LRRIQ1: variants seen among roughly 807,000 people sequenced by gnomAD.
LRRIQ1 encodes leucine rich repeats and IQ motif containing 1, also known as leucine-rich repeat- and IQ domain-containing protein 1.
A neutral mutation model predicts 211.9 loss-of-function variants in LRRIQ1; 210 were observed. The ratio of observed to expected loss-of-function variants is 0.99; its 90% confidence interval spans 0.89 to 1.11. LRRIQ1 has a LOEUF of 1.11. Among genes scored for constraint, LRRIQ1 ranks in the 50% most tolerant of loss-of-function variants. The probability of loss-of-function intolerance (pLI) is 0.00; values close to 1 mark genes in which losing one functional copy is unlikely to be tolerated. For missense variants in LRRIQ1, 2,136 were observed against 1,939.5 expected (o/e 1.10, Z -1.90); for synonymous variants, 699 against 650.1 (o/e 1.08, Z -1.14).
intron 19 of LRRIQ1, among the ~76,000 whole-genome samples, chr12:85,141,764 A>C (rs2136585609): frequency 6.6e-6 from 1 of 151,142 alleles, no homozygotes; most frequent in African/African-American, 2.4e-5. Flanking sequence ...ATTGATTTTA[A>C]TTTAGAATAT....
chr12:85,154,031 A>G lies in LRRIQ1; in HGVS notation c.4657A>G (p.Thr1553Ala), dbSNP rs774149250. Residue 1553 changes from threonine to alanine, a missense_variant, in exon 23 of 27, where the codon ACT becomes GCT. Transcript: ENST00000393217. ...SEEWGFKDIS[T>A]AQQMLKRAQK... is the part of the protein sequence containing the mutation. ...TAATAGGGGCTTTAAGGATATTTCT[A>G]CTGCTCAGCAAATGTTGAAGAGGGC... is the stretch of plus-strand genomic sequence containing the variant. The G allele has an allele frequency of 6.4e-7, 1 of 1,565,964 alleles. No homozygotes were observed. The highest frequency in any genetic ancestry group is 1.2e-5 in the South Asian group (1 of 81,360).
At chr12:85,043,976 A>G (rs1251742508) in intron 3 of LRRIQ1, among the ~76,000 whole-genome samples, 1 of 151,988 alleles carries the variant, frequency 6.6e-6, no homozygotes, top group Non-Finnish European at 1.5e-5. Flanking sequence ...AAACTAAATC[A>G]CTCTCAGAAA....
chr12:85,147,040 G>A (rs1375438562), intron 19 of LRRIQ1, among the ~76,000 whole-genome samples: 2 of 151,754 alleles, frequency 1.3e-5, no homozygotes, highest in African/African-American at 2.4e-5. Flanking sequence ...TAGATGTGTC[G>A]ATAGAAGGAG....
At chr12:85,209,909 C>A (rs1301359224) in intron 24 of LRRIQ1, among the ~76,000 whole-genome samples, 1 of 152,006 alleles carries the variant, frequency 6.6e-6, no homozygotes, top group African/African-American at 2.4e-5. Context: ...CTCCAAAGCC[C>A]ATGGTATTTC....
intron 17 of LRRIQ1, among the ~76,000 whole-genome samples, chr12:85,127,131 A>G (rs1888423103): frequency 6.6e-6 from 1 of 152,220 alleles, no homozygotes; most frequent in South Asian, 2.1e-4. Context: ...CTGATTAGTA[A>G]GAGTTAAATT....
chr12:85,113,249 C>A (rs1011219277), intron 15 of LRRIQ1, among the ~76,000 whole-genome samples: 2 of 152,068 alleles, frequency 1.3e-5, no homozygotes, highest in African/African-American at 4.8e-5. Context: ...GTGCAGAGTA[C>A]ATTTCCTTTA....
chr12:85,092,302 T>C (rs571184352), intron 11 of LRRIQ1, among the ~76,000 whole-genome samples: 1 of 152,316 alleles, frequency 6.6e-6, no homozygotes, highest in Admixed American at 6.5e-5. Flanking sequence ...GGCAGATTTT[T>C]AGTCAGAATC....
In LRRIQ1 at chr12:85,098,860, A is replaced by T. The variant is rs1886123171; in HGVS notation, c.3082-7A>T. 6.5e-7 allele frequency: 1 copy of T among 1,539,306 alleles called. No homozygotes were observed. Among genetic ancestry groups the T allele is most frequent in the African/African-American group, 1.4e-5 (1 of 71,362 alleles). ...AATATAAACTAATGAACCAAATTTA[A>T]ATATAGCTTCCATCCTTGGAGAATC... On this transcript the variant is annotated splice_region_variant and splice_polypyrimidine_tract_variant and intron_variant, in intron 12 of 26. Transcript: ENST00000393217.
At chr12:85,147,921 C>T (rs917633482) in intron 19 of LRRIQ1, among the ~76,000 whole-genome samples, 2 of 151,692 alleles carry the variant, frequency 1.3e-5, no homozygotes, top group African/African-American at 4.8e-5. Context: ...AATAGAACGA[C>T]AATAGGTGCT....
At chr12:85,253,869 T>G (rs187645605) in intron 1 of LRRIQ1, among the ~76,000 whole-genome samples, 2 of 152,218 alleles carry the variant, frequency 1.3e-5, no homozygotes, top group East Asian at 3.9e-4. Context: ...CCAAGCTTTC[T>G]GCCTTCTATT....
At chr12:85,168,348 G>A (rs143428299) in intron 24 of LRRIQ1, among the ~76,000 whole-genome samples, 2 of 152,268 alleles carry the variant, frequency 1.3e-5, no homozygotes, top group African/African-American at 4.8e-5. Context: ...CCATCATGAA[G>A]TAGTAGACTT....
chr12:85,251,029 T>C (rs1895928752), intron 1 of LRRIQ1, among the ~76,000 whole-genome samples: 1 of 131,608 alleles, frequency 7.6e-6, no homozygotes. Context: ...ATTACTATTT[T>C]CTGAATATAA....
chr12:85,238,556 G>T (rs1179742431), intron 26 of LRRIQ1, among the ~76,000 whole-genome samples: 1 of 151,812 alleles, frequency 6.6e-6, no homozygotes, highest in South Asian at 2.1e-4. Flanking sequence ...TTGACATCCA[G>T]AAGAAAGTGG....
chr12:85,069,519 G>C (rs1316780997), intron 10 of LRRIQ1, among the ~76,000 whole-genome samples: 3 of 152,030 alleles, frequency 2.0e-5, no homozygotes, highest in African/African-American at 7.2e-5. Context: ...TCGCCACGCT[G>C]ACTTCCACAA....
At chr12:85,053,502 G>T (rs1880574630) in intron 7 of LRRIQ1, among the ~76,000 whole-genome samples, 1 of 152,118 alleles carries the variant, frequency 6.6e-6, no homozygotes, top group Non-Finnish European at 1.5e-5. Flanking sequence ...TAAGTAAAAT[G>T]ATGGAAGAAA....
intron 1 of LRRIQ1, among the ~76,000 whole-genome samples, chr12:85,261,932 A>G (rs1896309053): frequency 3.9e-5 from 6 of 152,004 alleles, no homozygotes; most frequent in Admixed American, 3.9e-4. Flanking sequence ...CTGGGATTAC[A>G]GGCATGCGCC....
chr12:85,214,795 C>T (rs1893999871), intron 24 of LRRIQ1, among the ~76,000 whole-genome samples: 1 of 151,852 alleles, frequency 6.6e-6, no homozygotes, highest in Non-Finnish European at 1.5e-5. Flanking sequence ...CTTAGATATG[C>T]AATTATTTCT....
At chr12:85,086,066 C>G (rs1394124708) in intron 11 of LRRIQ1, among the ~76,000 whole-genome samples, 1 of 152,104 alleles carries the variant, frequency 6.6e-6, no homozygotes, top group African/African-American at 2.4e-5. Flanking sequence ...TATAAATGTT[C>G]CCTTTTCTCT....
In LRRIQ1 at chr12:85,060,920, T is replaced by C. The variant is rs185867294; in HGVS notation, c.2391+3736T>C. Among the ~76,000 whole-genome samples the C allele has an allele frequency of 2.6e-5, 4 of 151,930 alleles. No individual in the cohort carries two copies. In the East Asian group the frequency reaches 7.8e-4, roughly 29 times the overall value. On this transcript the variant is annotated intron_variant, in intron 8 of 26. Transcript: ENST00000393217. ...ATGGGCTGTAAAGGATTTGGGAAAA[T>C]ACAGATGATTAAGTAGAAAATTGAT... is the stretch of plus-strand genomic sequence containing the variant.
Sources: gnomAD v4.1 joint callset for allele counts (sites outside exome capture counted in the v4.1 genomes callset) on GRCh38, gnomAD v4.1.1 for gene constraint, MANE v1.5 for transcripts, NCBI Gene and HGNC (gene_info 2026-07-23, HGNC 2026-07-21) for gene names.